Variants in SRGAP3 observed in about 807,000 individuals in gnomAD.
The protein encoded by SRGAP3 is SLIT-ROBO Rho GTPase activating protein 3.
A neutral mutation model predicts 121.1 loss-of-function variants in SRGAP3; 39 were observed. The ratio of observed to expected loss-of-function variants is 0.32; its 90% CI spans 0.25 to 0.42. SRGAP3 has a LOEUF of 0.42. Ranked by LOEUF, SRGAP3 falls within the 10% of genes least tolerant of loss-of-function variation. The pLI, the probability that SRGAP3 is intolerant of heterozygous loss-of-function variation, is 1.00. For synonymous variants in SRGAP3, 601 were observed against 570.0 expected, an observed-to-expected ratio of 1.05 and a Z score of -0.77; for missense variants, 1,213 against 1,470.6, an observed-to-expected ratio of 0.82 and a Z score of 2.86.
intron 20 of SRGAP3, among the ~76,000 whole-genome samples, chr3:8,992,412 C>T (rs912150031): frequency 2.0e-5 from 3 of 152,102 alleles, no homozygotes; most frequent in Non-Finnish European, 4.4e-5. Context: ...ACATAGGGAG[C>T]GAAGAAATTG....
intron 3 of SRGAP3, among the ~76,000 whole-genome samples, chr3:9,101,337 G>A (rs1329111103): frequency 2.0e-5 from 3 of 152,202 alleles, no homozygotes; most frequent in Non-Finnish European, 2.9e-5. Flanking sequence ...AGTCCCATGG[G>A]TCAGGTGGAA....
intron 1 of SRGAP3, among the ~76,000 whole-genome samples, chr3:9,343,317 G>A (rs1382279186): frequency 6.6e-6 from 1 of 152,134 alleles, no homozygotes; most frequent in East Asian, 1.9e-4. Flanking sequence ...TATAGTCCTC[G>A]TAGGGCTGTT....
At chr3:9,236,932 C>T (rs546199358) in intron 1 of SRGAP3, among the ~76,000 whole-genome samples, 1 of 152,270 alleles carries the variant, frequency 6.6e-6, no homozygotes, top group East Asian at 1.9e-4. Context: ...CCATCTCAGA[C>T]ACATACTAGG....
At chr3:9,131,092 C>T (rs1212711373) in intron 1 of SRGAP3, among the ~76,000 whole-genome samples, 2 of 152,240 alleles carry the variant, frequency 1.3e-5, no homozygotes, top group Non-Finnish European at 2.9e-5. Flanking sequence ...ATTTCTAATT[C>T]CCATCCAAGT....
chr3:9,232,560 G>A (rs1953253718), intron 1 of SRGAP3, among the ~76,000 whole-genome samples: 1 of 151,956 alleles, frequency 6.6e-6, no homozygotes, highest in Non-Finnish European at 1.5e-5. Flanking sequence ...CACACACTTT[G>A]GGTGTTATTT....
intron 3 of SRGAP3, among the ~76,000 whole-genome samples, chr3:9,284,838 A>T: frequency 6.6e-6 from 1 of 151,558 alleles, no homozygotes; most frequent in East Asian, 1.9e-4. Context: ...GCCTCAAAAA[A>T]AAAAAAAAAA....
chr3:9,302,843 C>A (rs1251896463), intron 3 of SRGAP3, among the ~76,000 whole-genome samples: 1 of 152,076 alleles, frequency 6.6e-6, no homozygotes, highest in African/African-American at 2.4e-5. Flanking sequence ...CTCTGCAATC[C>A]GAGCAAGGGG....
In SRGAP3 at chr3:9,248,981, CTGTT is replaced by C. The variant is rs966320192; in HGVS notation, c.-34_-31del. ...TGACGTGGCCAAAGGAACTGACAGG[CTGTT>C]TGATTTATTTCTCCTTTTCTTTTCG... On this transcript the variant is annotated 5_prime_UTR_variant, in exon 1 of 22. Coordinates refer to ENST00000383836, the MANE Select transcript of SRGAP3 (RefSeq NM_014850.4). 4 of 1,607,718 alleles carry C rather than the reference CTGTT, an allele frequency of 2.5e-6. No individual in the cohort carries two copies. In the African/African-American group the frequency reaches 5.3e-5, roughly 21 times the overall value.
chr3:9,297,555 T>A (rs138529317), intron 3 of SRGAP3, among the ~76,000 whole-genome samples: 2 of 151,794 alleles, frequency 1.3e-5, no homozygotes, highest in African/African-American at 4.8e-5. Flanking sequence ...TAAAATAAGG[T>A]CATTCAGGTG....
chr3:9,012,956 A>G (rs1176350221), intron 17 of SRGAP3, among the ~76,000 whole-genome samples: 2 of 152,166 alleles, frequency 1.3e-5, no homozygotes, highest in Non-Finnish European at 2.9e-5. Flanking sequence ...GCCAACACAG[A>G]ATCAAGCAGG....
intron 14 of SRGAP3, among the ~76,000 whole-genome samples, chr3:9,017,235 T>G (rs2125044241): frequency 6.6e-6 from 1 of 152,340 alleles, no homozygotes; most frequent in Non-Finnish European, 1.5e-5. Context: ...ACTAGAATTT[T>G]TTTTCATGAG....
At position 9,341,560 on chromosome 3, in the gene SRGAP3, G is replaced by C. The variant is rs1005461242; in HGVS notation, n.215-10964C>G. Among the ~76,000 whole-genome samples the C allele has an allele frequency of 4.6e-5, 7 of 152,226 alleles. No individual in the cohort carries two copies. In the East Asian group the frequency reaches 1.2e-3, roughly 25 times the overall value. ...GGAGAAGAGGTCAGCAGCAACACAG[G>C]CTGTGCTGTGGTCCCTACCTGAGCA... On this transcript the variant is annotated intron_variant and non_coding_transcript_variant, in intron 1 of 3. Coordinates refer to the SRGAP3 transcript ENST00000490889.
chr3:9,329,386 CAT>C (rs138330992), intron 2 of SRGAP3, among the ~76,000 whole-genome samples: 10,448 of 152,106 alleles, frequency 0.069, 464 homozygotes, highest in African/African-American at 0.13. Flanking sequence ...CAAGCTGCAT[CAT>C]AAAGGAAAAA....
At chr3:9,165,907 G>A (rs980309019) in intron 1 of SRGAP3, among the ~76,000 whole-genome samples, 12 of 152,268 alleles carry the variant, frequency 7.9e-5, no homozygotes, top group Admixed American at 4.6e-4. Flanking sequence ...CTTATCTCAG[G>A]TTGTAATCAT....
chr3:9,149,139 G>A (rs1391834687), intron 1 of SRGAP3, among the ~76,000 whole-genome samples: 5 of 151,578 alleles, frequency 3.3e-5, no homozygotes, highest in African/African-American at 1.2e-4. Context: ...GCTTGAAGCC[G>A]GGAGGCGGAG....
chr3:9,151,853 C>G (rs1428640613), intron 1 of SRGAP3, among the ~76,000 whole-genome samples: 3 of 152,168 alleles, frequency 2.0e-5, no homozygotes, highest in Non-Finnish European at 4.4e-5. Flanking sequence ...AGGACAGGGT[C>G]AGAGATAAGC....
intron 1 of SRGAP3, among the ~76,000 whole-genome samples, chr3:9,131,696 C>T (rs1349730990): frequency 1.3e-5 from 2 of 152,068 alleles, no homozygotes; most frequent in African/African-American, 4.8e-5. Context: ...CCCGCCTCGG[C>T]CTCCCAAAGT....
chr3:9,021,309 C>T (rs1338382162), intron 14 of SRGAP3, among the ~76,000 whole-genome samples: 4 of 152,228 alleles, frequency 2.6e-5, no homozygotes, highest in Non-Finnish European at 5.9e-5. Context: ...CCTCAGCACT[C>T]CCATCTGTGC....
chr3:9,209,351 A>T (rs1040967243), intron 1 of SRGAP3, among the ~76,000 whole-genome samples: 3 of 152,278 alleles, frequency 2.0e-5, no homozygotes, highest in Non-Finnish European at 4.4e-5. Context: ...AGTTATTTCA[A>T]AGCCATAGGA....
Sources: allele counts gnomAD v4.1 joint callset (sites outside exome capture counted in the v4.1 genomes callset), GRCh38; gene constraint gnomAD v4.1.1; transcripts MANE v1.5; gene names NCBI Gene and HGNC (gene_info 2026-07-23, HGNC 2026-07-21).